The following PAX5 variants were observed in gnomAD, a reference collection of about 807,000 sequenced individuals.
PAX5 encodes paired box 5, also known as paired box protein Pax-5.
Under a neutral mutation model 43.7 loss-of-function variants are expected in PAX5, and 9 were observed. The observed-to-expected ratio is 0.21, with a 90% CI of 0.12 to 0.36. PAX5 has a LOEUF of 0.36. PAX5 is among the 10% of genes least tolerant of loss of function. PAX5 has a pLI of 1.00. For synonymous variants in PAX5, 228 were observed against 214.3 expected (o/e 1.06, Z -0.56); for missense variants, 383 against 532.7 (o/e 0.72, Z 2.77).
intron 6 of PAX5, among the ~76,000 whole-genome samples, chr9:36,965,161 T>A (rs1564017680): frequency 6.6e-6 from 1 of 152,090 alleles, no homozygotes; most frequent in Non-Finnish European, 1.5e-5. Flanking sequence ...GCCTTTCCTT[T>A]AGGCTCTCAG....
intron 5 of PAX5, among the ~76,000 whole-genome samples, chr9:37,000,641 C>A (rs1291880495): frequency 6.6e-6 from 1 of 152,208 alleles, no homozygotes; most frequent in African/African-American, 2.4e-5. Flanking sequence ...TCCAATACCA[C>A]ATCTGATTCT....
At chr9:36,972,798 C>A (rs138898773) in intron 5 of PAX5, among the ~76,000 whole-genome samples, 13,329 of 152,148 alleles carry the variant, frequency 0.088, 673 homozygotes, top group African/African-American at 0.13. Context: ...GAGGCCGAGG[C>A]AGGCAAATCA....
rs77953262 is a variant in PAX5, at chr9:36,906,107, G to A, written c.910+17248C>T. On this transcript the variant is annotated intron_variant, in intron 7 of 9. Coordinates refer to ENST00000358127, the MANE Select transcript of PAX5 (RefSeq NM_016734.3). ...CTACAGGACACACGGTGCTCAAGGA[G>A]GCTTTTATATTTGGCCCTGGAGATG... 1.6e-3 allele frequency among the ~76,000 whole-genome samples: 251 copies of A among 152,264 alleles called. 5 individuals are homozygous for A. In the East Asian group the frequency reaches 0.024, roughly 14 times the overall value.
chr9:36,853,949 T>C (rs992705509), intron 8 of PAX5, among the ~76,000 whole-genome samples: 1 of 152,212 alleles, frequency 6.6e-6, no homozygotes, highest in Admixed American at 6.5e-5. Context: ...ATGACGGGGA[T>C]TTGCAGAGCG....
Position 36,840,633 on chromosome 9 carries a change from G to A in PAX5, c.1103C>T (p.Ser368Phe), listed in dbSNP as rs1382724677. ...WRFPNPGLLG[S>F]PYYYSAAARG... is the part of the protein sequence containing the mutation. ...GGCGGCAGCGCTATAATAGTAGGGGGAGCCTGGAAGAGACGGGAGAGAGCA... is the reference window on the plus strand; with the variant it reads ...GGCGGCAGCGCTATAATAGTAGGGGAAGCCTGGAAGAGACGGGAGAGAGCA... The change falls in exon 10 of 10, where the codon TCC becomes TTC. Residue 368 changes from serine (S) to phenylalanine (F), a missense_variant. Ser to Phe is a radical substitution (Grantham distance 155). Coordinates refer to ENST00000358127, the MANE Select transcript of PAX5 (RefSeq NM_016734.3). 3 of 1,561,990 alleles carry A rather than the reference G, an allele frequency of 1.9e-6. No homozygotes were observed. The highest frequency in any genetic ancestry group is 2.6e-6 in the Non-Finnish European group (3 of 1,152,132).
At chr9:37,003,731 G>A (rs1291005071) in intron 4 of PAX5, among the ~76,000 whole-genome samples, 5 of 152,186 alleles carry the variant, frequency 3.3e-5, no homozygotes, top group African/African-American at 1.2e-4. Flanking sequence ...CAGCTACTTG[G>A]GAGGCTGAGG....
chr9:36,881,915 G>C, intron 8 of PAX5, 89 bp downstream of exon 8: 1 of 941,264 alleles, frequency 1.1e-6, no homozygotes, highest in Non-Finnish European at 1.7e-6. Flanking sequence ...CAGAAGCGTA[G>C]AGGTCACCCA....
intron 6 of PAX5, among the ~76,000 whole-genome samples, chr9:36,956,727 A>T (rs2132136164): frequency 6.6e-6 from 1 of 152,292 alleles, no homozygotes; most frequent in African/African-American, 2.4e-5. Context: ...TCCCCAGGCA[A>T]TATTCTTGGC....
rs142360796 is a variant in PAX5 at position 37,019,382 on chromosome 9, G to GC, written c.212+1253dup. On this transcript the variant is annotated intron_variant, in intron 2 of 9. Transcript: ENST00000358127. ...GTGCTAAACAGGAGTGAAGCCCACA[G>GC]CCCCCACAGCTCAGGTAACCTGCAC... 8.8e-3 allele frequency among the ~76,000 whole-genome samples: 1,343 copies of GC among 152,248 alleles called. 27 individuals are homozygous for GC. The highest frequency in any genetic ancestry group is 0.077 in the South Asian group (373 of 4,822).
chr9:37,006,890 T>C (rs904906116), intron 3 of PAX5, among the ~76,000 whole-genome samples: 1 of 152,186 alleles, frequency 6.6e-6, no homozygotes, highest in Admixed American at 6.5e-5. Context: ...AAGAGACTCA[T>C]TGAGTGACTT....
intron 8 of PAX5, among the ~76,000 whole-genome samples, chr9:36,855,893 A>G (rs915512385): frequency 7.9e-5 from 12 of 152,196 alleles, no homozygotes; most frequent in African/African-American, 4.8e-5. Flanking sequence ...ACCCAGCTCA[A>G]ATACCACCTC....
At chr9:36,841,263 C>T (rs12338998) in intron 9 of PAX5, among the ~76,000 whole-genome samples, 5,450 of 152,346 alleles carry the variant, frequency 0.036, 337 homozygotes, top group African/African-American at 0.12. Context: ...ATGAGCACAT[C>T]CTCTGTGCCT....
chr9:36,839,096 C>A lies in PAX5; in HGVS notation c.*1464G>T, dbSNP rs1028017254. ...AGAGACTATGCAAGGAATTAAGGCCCCAGGTAAAGAGATGATGGCACCTGG... is the reference window on the plus strand; with the variant it reads ...AGAGACTATGCAAGGAATTAAGGCCACAGGTAAAGAGATGATGGCACCTGG... On this transcript the variant is annotated 3_prime_UTR_variant, in exon 10 of 10. Coordinates refer to ENST00000358127, the MANE Select transcript of PAX5 (RefSeq NM_016734.3). The A allele has an allele frequency of 1.5e-4, 35 of 233,302 alleles. No individual in the cohort carries two copies. Among genetic ancestry groups the A allele is most frequent in the Non-Finnish European group, 2.0e-4 (24 of 118,184 alleles). The allele number at this position is 233,302 out of a possible 1,614,324, so 14.5% of individuals were successfully genotyped here. A position where few individuals can be genotyped will look rare whatever the true frequency, so the allele number is the denominator to read the frequency against.
intron 6 of PAX5, among the ~76,000 whole-genome samples, chr9:36,955,932 T>C (rs1052628668): frequency 6.6e-6 from 1 of 152,108 alleles, no homozygotes; most frequent in Non-Finnish European, 1.5e-5. Context: ...AAAAAATAAT[T>C]TACAAAACAA....
At chr9:36,860,129 G>A (rs999826894) in intron 8 of PAX5, among the ~76,000 whole-genome samples, 4 of 151,856 alleles carry the variant, frequency 2.6e-5, no homozygotes, top group African/African-American at 7.3e-5. Context: ...ACGAGGTCAG[G>A]AGTTCGAGAC....
chr9:36,965,903 G>C (rs376447350), intron 6 of PAX5, among the ~76,000 whole-genome samples: 1 of 152,162 alleles, frequency 6.6e-6, no homozygotes, highest in Non-Finnish European at 1.5e-5. Context: ...GCCGAGCCTC[G>C]TGATCTCATC....
intron 5 of PAX5, among the ~76,000 whole-genome samples, chr9:36,974,029 G>C (rs1473620374): frequency 2.4e-4 from 36 of 151,856 alleles, no homozygotes; most frequent in Admixed American, 2.4e-3. Context: ...AAATTTAAAA[G>C]TTAGCTGGGG....
At chr9:36,977,608 G>A (rs1333516765) in intron 5 of PAX5, among the ~76,000 whole-genome samples, 1 of 152,056 alleles carries the variant, frequency 6.6e-6, no homozygotes, top group Non-Finnish European at 1.5e-5. Context: ...TTGGTTCACT[G>A]CAACCTCCAC....
rs1841263588 is a variant in PAX5, at chr9:37,033,909, A to G, written c.46+77T>C. ...AATGCGGCGCGCCCCCTCCTCCTCC[A>G]GGGTCACCCTGCGTGGGGACCAAGG... On this transcript the variant is annotated intron_variant, in intron 1 of 9. Transcript: ENST00000358127. 4 of 1,357,212 alleles carry G rather than the reference A, an allele frequency of 2.9e-6. 1 individual carries two copies. In the South Asian group the frequency reaches 3.6e-5, roughly 12 times the overall value. 84.1% of individuals were successfully genotyped at this position (1,357,212 alleles called of 1,614,324 possible). A position where few individuals can be genotyped will look rare whatever the true frequency, so the allele number is the denominator to read the frequency against.
Sources: gnomAD v4.1 joint callset for allele counts (sites outside exome capture counted in the v4.1 genomes callset) on GRCh38, gnomAD v4.1.1 for gene constraint, MANE v1.5 for transcripts, NCBI Gene and HGNC (gene_info 2026-07-23, HGNC 2026-07-21) for gene names.